The following HECTD4 variants were observed in gnomAD, a reference collection of about 807,000 sequenced individuals.
HECTD4 encodes HECT domain E3 ubiquitin protein ligase 4, also known as probable E3 ubiquitin-protein ligase HECTD4.
In HECTD4, 114 loss-of-function variants were observed where a neutral mutation model predicts 471.5. The observed-to-expected ratio is 0.24, with a 90% CI of 0.21 to 0.28. The LOEUF (loss-of-function observed/expected upper bound fraction) is 0.28. Among genes scored for constraint, HECTD4 ranks in the 10% least tolerant of loss-of-function variants. The pLI is 1.00. For missense variants in HECTD4, 3,866 were observed against 5,651.5 expected (o/e 0.68, Z 10.13); for synonymous variants, 2,012 against 2,256.0 (o/e 0.89, Z 3.07).
At chr12:112,338,269 G>A (rs1404244551) in intron 1 of HECTD4, among the ~76,000 whole-genome samples, 1 of 152,140 alleles carries the variant, frequency 6.6e-6, no homozygotes, top group Non-Finnish European at 1.5e-5. Context: ...AAATACTGAT[G>A]ATTCCACATC....
chr12:112,169,530 A>G lies in HECTD4; in HGVS notation c.12181T>C (p.Phe4061Leu). 6.2e-7 allele frequency: 1 copy of G among 1,612,700 alleles called. No homozygotes were observed. Among genetic ancestry groups the G allele is most frequent in the South Asian group, 1.1e-5 (1 of 91,048 alleles). Residue 4061 changes from phenylalanine (F) to leucine (L), a missense_variant, in exon 70 of 76, where the codon TTC becomes CTC. Coordinates refer to ENST00000682272, the MANE Select transcript of HECTD4 (RefSeq NM_001388303.1). ...GDPTYAFNIR[F>L]TGEEVHGTSG... Reference sequence around the variant, plus strand: ...GTGCCATGGACCTCCTCGCCAGTGAAGCGGATGTTGAAGGCATATGTGGGG... The same window carrying G: ...GTGCCATGGACCTCCTCGCCAGTGAGGCGGATGTTGAAGGCATATGTGGGG...
In HECTD4 at chr12:112,164,127, C is replaced by T; in HGVS notation, c.12683G>A (p.Gly4228Asp). ...TGEEVELCSR[G>D]RHILVAWENK... ...CACTCACGCCACAAGGATGTGCCGGCCCCGGCTGCACAGCTCCACCTCCTC... is the reference window on the plus strand; with the variant it reads ...CACTCACGCCACAAGGATGTGCCGGTCCCGGCTGCACAGCTCCACCTCCTC... The change falls in exon 73 of 76, where the codon GGC becomes GAC. Residue 4228 changes from glycine to aspartate, a missense_variant. Coordinates refer to ENST00000682272, the MANE Select transcript of HECTD4 (RefSeq NM_001388303.1). 3 of 1,603,260 alleles carry T rather than the reference C, an allele frequency of 1.9e-6. No individual in the cohort carries two copies. The highest frequency in any genetic ancestry group is 2.6e-6 in the Non-Finnish European group (3 of 1,174,326).
intron 34 of HECTD4, among the ~76,000 whole-genome samples, chr12:112,238,547 C>T (rs1163975360): frequency 6.6e-6 from 1 of 152,084 alleles, no homozygotes; most frequent in Admixed American, 6.6e-5. Context: ...TAGTAAGATC[C>T]TGTCTCTAAA....
chr12:112,262,227 T>G (rs1044041519), intron 17 of HECTD4: 2 of 152,136 alleles, frequency 1.3e-5, no homozygotes, highest in African/African-American at 2.4e-5. Context: ...TTACTAAGGC[T>G]AGGCCGGGCA....
chr12:112,303,976 C>T (rs543045914), intron 7 of HECTD4, among the ~76,000 whole-genome samples: 5 of 151,834 alleles, frequency 3.3e-5, no homozygotes, highest in East Asian at 3.9e-4. Flanking sequence ...TTATATCTGG[C>T]GTTCATAAAT....
chr12:112,251,577 C>T (rs953474998), intron 23 of HECTD4, among the ~76,000 whole-genome samples: 2 of 152,146 alleles, frequency 1.3e-5, no homozygotes, highest in African/African-American at 4.8e-5. Flanking sequence ...AGCCATTGTT[C>T]TAGGTGCCTG....
Position 112,261,333 on chromosome 12 carries a change from T to G in HECTD4, c.2845A>C (p.Asn949His). The change falls in exon 18 of 76, where the codon AAT becomes CAT. Residue 949 changes from asparagine to histidine, a missense_variant. Physicochemically the swap from Asn to His is moderately conservative, Grantham distance 68. Around this residue, in one of 16 missense-constraint regions of HECTD4, gnomAD observed 525 missense variants for 672.6 expected, o/e 0.78. Coordinates refer to ENST00000682272, the MANE Select transcript of HECTD4 (RefSeq NM_001388303.1). ...TGCTCACGGTCTGCTATGTCACTATTTATGAGGGCAGTTGTGACCTGCTGT... is the reference window on the plus strand; with the variant it reads ...TGCTCACGGTCTGCTATGTCACTATGTATGAGGGCAGTTGTGACCTGCTGT... ...MLQQVTTALINSDIADREQRL... is the reference protein window; with the variant it reads ...MLQQVTTALIHSDIADREQRL... The G allele has an allele frequency of 1.9e-6, 3 of 1,608,726 alleles. No individual in the cohort carries two copies. The highest frequency in any genetic ancestry group is 2.6e-6 in the Non-Finnish European group (3 of 1,175,486).
intron 1 of HECTD4, among the ~76,000 whole-genome samples, chr12:112,334,666 G>A (rs1594053931): frequency 1.3e-5 from 2 of 148,694 alleles, no homozygotes; most frequent in Non-Finnish European, 3.0e-5. Context: ...AAAAATAGCC[G>A]GCATGGTGTG....
At chr12:112,170,553 C>A (rs2031174542) in intron 68 of HECTD4, 101 bp from the exon 69 acceptor site, 5 of 1,458,180 alleles carry the variant, frequency 3.4e-6, no homozygotes, top group East Asian at 4.9e-5. Context: ...CACTCTCAGG[C>A]CCCCTGGTGG....
intron 72 of HECTD4, among the ~76,000 whole-genome samples, chr12:112,164,968 C>T (rs1417914261): frequency 6.7e-6 from 1 of 149,366 alleles, no homozygotes; most frequent in East Asian, 2.0e-4. Flanking sequence ...GCTCTGTCAG[C>T]TGGAGTGCAG....
chr12:112,253,518 C>T (rs942079981), intron 22 of HECTD4, among the ~76,000 whole-genome samples: 2 of 152,172 alleles, frequency 1.3e-5, no homozygotes, highest in Admixed American at 6.5e-5. Flanking sequence ...ACTTTGGAGA[C>T]ATTTTTGGGT....
In HECTD4 at chr12:112,194,759, A is replaced by G. The variant is rs545087195; in HGVS notation, c.8749+126T>C. 15 of 844,132 alleles carry G rather than the reference A, an allele frequency of 1.8e-5. No individual in the cohort carries two copies. Among genetic ancestry groups the G allele is most frequent in the Non-Finnish European group, 2.4e-5 (13 of 550,138 alleles). 52.3% of individuals were successfully genotyped at this position (844,132 alleles called of 1,614,324 possible). A position where few individuals can be genotyped will look rare whatever the true frequency, so the allele number is the denominator to read the frequency against. ...CAGGAGAATCCCAGTTCCTGCGTGC[A>G]ATTTCTCACGTGAGCCTATGCGCAC... On this transcript the variant is annotated intron_variant, in intron 56 of 75. Coordinates refer to ENST00000682272, the MANE Select transcript of HECTD4 (RefSeq NM_001388303.1). This position sits in a 1 kb window ranked among gnomAD's most constrained non-coding sequence, Gnocchi z 4.6.
At chr12:112,186,244 C>T (rs1335636744) in intron 60 of HECTD4, among the ~76,000 whole-genome samples, 1 of 151,752 alleles carries the variant, frequency 6.6e-6, no homozygotes, top group Non-Finnish European at 1.5e-5. Flanking sequence ...CCCACCTCAG[C>T]CTCCCAAAGT....
chr12:112,189,544 C>G (rs1182921433), intron 60 of HECTD4, among the ~76,000 whole-genome samples: 1 of 101,612 alleles, frequency 9.8e-6, no homozygotes, highest in Admixed American at 9.5e-5. Context: ...GAGCGAGACT[C>G]CGTCTCAAAA....
chr12:112,204,341 C>A, intron 53 of HECTD4, 145 bp downstream of exon 53: 1 of 786,868 alleles, frequency 1.3e-6, no homozygotes, highest in Non-Finnish European at 2.0e-6. Flanking sequence ...TAGGGCTTCA[C>A]ATGGGGCGGT....
chr12:112,286,044 C>T (rs1489141022), intron 7 of HECTD4, among the ~76,000 whole-genome samples: 2 of 152,222 alleles, frequency 1.3e-5, no homozygotes, highest in Non-Finnish European at 1.5e-5. Context: ...AAACAAAACA[C>T]TATATTATTG....
intron 13 of HECTD4, among the ~76,000 whole-genome samples, chr12:112,269,089 G>A (rs2034356659): frequency 6.6e-6 from 1 of 151,574 alleles, no homozygotes; most frequent in Admixed American, 6.6e-5. Context: ...TAGCCAGGAT[G>A]GTCTCGATCT....
At chr12:112,295,617 G>A (rs972448871) in intron 7 of HECTD4, among the ~76,000 whole-genome samples, 1 of 150,992 alleles carries the variant, frequency 6.6e-6, no homozygotes, top group Non-Finnish European at 1.5e-5. Flanking sequence ...TGGGATTACA[G>A]GCATGAGCCA....
At chr12:112,312,215 T>G (rs1228227743) in intron 4 of HECTD4, among the ~76,000 whole-genome samples, 1 of 152,232 alleles carries the variant, frequency 6.6e-6, no homozygotes, top group Non-Finnish European at 1.5e-5. Flanking sequence ...TAATGGCAAC[T>G]ATTTCCTGGG....
Sources: allele counts gnomAD v4.1 joint callset (sites outside exome capture counted in the v4.1 genomes callset), GRCh38; gene constraint gnomAD v4.1.1; regional missense constraint gnomAD v4.1.1; non-coding constraint Gnocchi (gnomAD v3.1); transcripts MANE v1.5; gene names NCBI Gene and HGNC (gene_info 2026-07-23, HGNC 2026-07-21).